PKP1: variants seen among roughly 807,000 people sequenced by gnomAD.
PKP1 encodes plakophilin 1, also known as plakophilin-1.
A neutral mutation model predicts 76.4 loss-of-function variants in PKP1; 27 were observed. The observed-to-expected ratio is 0.35, with a 90% CI of 0.26 to 0.49. PKP1 has a LOEUF of 0.49. Among genes scored for constraint, PKP1 ranks in the 20% least tolerant of loss-of-function variants. PKP1 has a pLI of 0.99. For synonymous variants in PKP1, 404 were observed against 384.2 expected (o/e 1.05, Z -0.60); for missense variants, 964 against 955.2 (o/e 1.01, Z -0.12).
In PKP1 at chr1:201,318,688, G is replaced by T. The variant is rs1656846046; in HGVS notation, c.1125G>T (p.Leu375=). 1 of 1,612,226 alleles carries T rather than the reference G, an allele frequency of 6.2e-7. No homozygotes were observed. Among genetic ancestry groups the T allele is most frequent in the Admixed American group, 1.7e-5 (1 of 59,998 alleles). Residue 375 remains leucine, a synonymous_variant, in exon 6 of 14, where the codon CTG becomes CTT. Coordinates refer to ENST00000367324, the MANE Select transcript of PKP1 (RefSeq NM_001005337.3). ...EELIADALPV[L]ADRVIIPFSG... is the part of the protein sequence containing the mutation. ...TCATTGCCGACGCCCTGCCTGTTCTGGCCGACCGCGTCATCATTCCCTTCT... is the reference window on the plus strand; with the variant it reads ...TCATTGCCGACGCCCTGCCTGTTCTTGCCGACCGCGTCATCATTCCCTTCT...
intron 2 of PKP1, among the ~76,000 whole-genome samples, chr1:201,305,787 GA>G (rs1353375629): frequency 6.6e-6 from 1 of 152,330 alleles, no homozygotes; most frequent in East Asian, 1.9e-4. Flanking sequence ...GTGCTCTTCT[GA>G]GGTGCTGGCT....
intron 10 of PKP1, 110 bp from the exon 11 acceptor site, chr1:201,324,831 G>T (rs1657062012): frequency 8.3e-7 from 1 of 1,211,934 alleles, no homozygotes; most frequent in Middle Eastern, 2.9e-4. Flanking sequence ...AGGGCCACCT[G>T]GCTCAGAGCC....
intron 12 of PKP1, 180 bp from the exon 13 acceptor site, chr1:201,328,582 G>T: frequency 1.5e-6 from 1 of 671,110 alleles, no homozygotes. Flanking sequence ...GACTCATGGA[G>T]AGTTATTATG....
intron 12 of PKP1, 101 bp from the exon 13 acceptor site, chr1:201,328,661 T>G (rs1571566863): frequency 2.0e-6 from 2 of 986,418 alleles, no homozygotes; most frequent in African/African-American, 1.6e-5. Context: ...AGAGAGGCTG[T>G]GTGAGCCGAG....
Position 201,325,158 on chromosome 1 carries a change from C to A in PKP1, c.2021+31C>A. 3.1e-6 allele frequency: 5 copies of A among 1,605,452 alleles called. 1 individual carries two copies. The highest frequency in any genetic ancestry group is 4.3e-6 in the Non-Finnish European group (5 of 1,174,356). ...CGGGGGGTTGCTCCCACGGGCTGCA[C>A]CCCAATCAGAGCCCCTCCTCACCCT... On this transcript the variant is annotated intron_variant, in intron 11 of 13. Transcript: ENST00000367324.
At chr1:201,309,373 C>T (rs1033185156) in intron 2 of PKP1, among the ~76,000 whole-genome samples, 2 of 152,142 alleles carry the variant, frequency 1.3e-5, no homozygotes, top group Admixed American at 6.5e-5. Flanking sequence ...TGGCTCACCT[C>T]GGGCTGTGGG....
At position 201,292,897 on chromosome 1, in the gene PKP1, C is replaced by T. The variant is rs75343837; in HGVS notation, c.203-1045C>T. ...TCCCAGTATAGCTGAGGGAATGGGA[C>T]GCAGGGCAGAATGAGACTTGGGCTA... is the stretch of plus-strand genomic sequence containing the variant. On this transcript the variant is annotated intron_variant, in intron 1 of 13. Coordinates refer to ENST00000367324, the MANE Select transcript of PKP1 (RefSeq NM_001005337.3). Among the ~76,000 whole-genome samples the T allele has an allele frequency of 3.3e-3, 505 of 152,296 alleles. 3 individuals carry two copies. Among genetic ancestry groups the T allele is most frequent in the African/African-American group, 0.011 (476 of 41,560 alleles).
rs41269937 is a variant in PKP1 at position 201,316,271 on chromosome 1, G to A, written c.702-282G>A. ...GCTTCCCCTCAGGGAATAGGGAGGAGTTTTTCCTCAGTGGAGAGATAACAT... is the reference window on the plus strand; with the variant it reads ...GCTTCCCCTCAGGGAATAGGGAGGAATTTTTCCTCAGTGGAGAGATAACAT... On this transcript the variant is annotated intron_variant, in intron 3 of 13. Coordinates refer to ENST00000367324, the MANE Select transcript of PKP1 (RefSeq NM_001005337.3). 0.1 allele frequency: 42,285 copies of A among 409,904 alleles called. 3,086 individuals carry two copies. Among genetic ancestry groups the A allele is most frequent in the African/African-American group, 0.25 (12,521 of 49,526 alleles). The allele number at this position is 409,904 out of a possible 1,614,324, so 25.4% of individuals were successfully genotyped here.
At chr1:201,319,527 G>A (rs1446729823) in intron 6 of PKP1, among the ~76,000 whole-genome samples, 1 of 152,208 alleles carries the variant, frequency 6.6e-6, no homozygotes, top group Non-Finnish European at 1.5e-5. Context: ...CTCCCTGCCA[G>A]CCTCCGGTAG....
chr1:201,313,626 C>T, intron 3 of PKP1, 66 bp downstream of exon 3: 1 of 1,514,664 alleles, frequency 6.6e-7, no homozygotes, highest in Non-Finnish European at 9.0e-7. Context: ...CTTAGCCTGA[C>T]TGCACCCTGC....
At chr1:201,284,036 AC>A in intron 1 of PKP1, 132 bp downstream of exon 1, 2 of 848,020 alleles carry the variant, frequency 2.4e-6, no homozygotes, top group Admixed American at 2.0e-5. Context: ...GGCAGGGTCT[AC>A]GCACCTAGTG....
rs955013267 is a variant in PKP1, at chr1:201,331,256, A to G, written c.*1215A>G. ...AGGGTACCGGTACCGGCAAGCTCAC[A>G]TCTCAGCCAGGGGCCATGCCCCACT... On this transcript the variant is annotated 3_prime_UTR_variant, in exon 14 of 14. Coordinates refer to ENST00000367324, the MANE Select transcript of PKP1 (RefSeq NM_001005337.3). 3 of 152,316 alleles carry G rather than the reference A, an allele frequency of 2.0e-5. No homozygotes were observed. The highest frequency in any genetic ancestry group is 2.9e-5 in the Non-Finnish European group (2 of 68,174). 9.4% of individuals were successfully genotyped at this position (152,316 alleles called of 1,614,324 possible).
intron 1 of PKP1, among the ~76,000 whole-genome samples, chr1:201,292,145 C>T (rs115789252): frequency 0.012 from 1,874 of 152,238 alleles, 40 homozygotes; most frequent in African/African-American, 0.038. Flanking sequence ...GCAAACGAGG[C>T]GGTAGTGTGG....
At position 201,309,035 on chromosome 1, in the gene PKP1, C is replaced by T. The variant is rs559694380; in HGVS notation, c.307-4131C>T. On this transcript the variant is annotated intron_variant, in intron 2 of 13. Transcript: ENST00000367324. ...TTGAATGGTTAGTTACTGCCCTATC[C>T]GATGATTTGGGCAAGCTGGAGCTTT... Among the ~76,000 whole-genome samples the T allele has an allele frequency of 6.0e-4, 92 of 152,098 alleles. 3 individuals carry two copies. The South Asian group carries it at 0.018, about 30-fold the overall frequency.
chr1:201,320,008 G>A (rs1656887901), intron 6 of PKP1: 1 of 1,013,346 alleles, frequency 9.9e-7, no homozygotes, highest in South Asian at 1.3e-5. Flanking sequence ...CCTCAGCCAG[G>A]GCCAGGCGGA....
chr1:201,306,951 T>C (rs1656389478), intron 2 of PKP1, among the ~76,000 whole-genome samples: 1 of 152,250 alleles, frequency 6.6e-6, no homozygotes. Context: ...ATTACAGGCA[T>C]GAGCCACCGC....
intron 2 of PKP1, 143 bp downstream of exon 2, chr1:201,294,188 G>GTCTGT: frequency 1.4e-6 from 1 of 701,668 alleles, no homozygotes; most frequent in Non-Finnish European, 2.6e-6. Context: ...CTCTGACTAG[G>GTCTGT]TCTGTTGACT....
chr1:201,322,172 A>G, intron 8 of PKP1, 39 bp downstream of exon 8: 2 of 1,601,186 alleles, frequency 1.2e-6, no homozygotes, highest in Non-Finnish European at 1.7e-6. Context: ...TGCCCCATCA[A>G]GCACCCCCCC....
At chr1:201,295,794 T>G (rs1656054076) in intron 2 of PKP1, among the ~76,000 whole-genome samples, 1 of 152,170 alleles carries the variant, frequency 6.6e-6, no homozygotes, top group African/African-American at 2.4e-5. Context: ...TCAGATGACA[T>G]TAACTGTGAA....
Sources: gnomAD v4.1 joint callset for allele counts (sites outside exome capture counted in the v4.1 genomes callset) on GRCh38, gnomAD v4.1.1 for gene constraint, MANE v1.5 for transcripts, NCBI Gene and HGNC (gene_info 2026-07-23, HGNC 2026-07-21) for gene names.